Variants in FBLN1 observed in about 807,000 individuals in gnomAD.
FBLN1 encodes the protein fibulin 1.
A neutral mutation model predicts 89.7 loss-of-function variants in FBLN1; 34 were observed. That is an observed-to-expected ratio of 0.38 (90% confidence interval 0.29 to 0.50). The LOEUF (loss-of-function observed/expected upper bound fraction) is 0.50. Among genes scored for constraint, FBLN1 ranks in the 20% least tolerant of loss-of-function variants. The probability of loss-of-function intolerance (pLI) is 0.92; values close to 1 mark genes in which losing one functional copy is unlikely to be tolerated. For synonymous variants in FBLN1, 393 were observed against 391.3 expected (o/e 1.00, Z -0.05); for missense variants, 777 against 988.1 (o/e 0.79, Z 2.86).
Position 45,600,867 on chromosome 22 carries a change from G to A in FBLN1, c.*421G>A, listed in dbSNP as rs1301431185. Reference sequence around the variant, plus strand: ...TTTTTTGGCCAATCAGATTTTCTATGTTCTAAGGACATGGCTGCTGTAGAA... The same window carrying A: ...TTTTTTGGCCAATCAGATTTTCTATATTCTAAGGACATGGCTGCTGTAGAA... On this transcript the variant is annotated 3_prime_UTR_variant, in exon 17 of 17. Transcript: ENST00000327858. 1 of 298,176 alleles carries A rather than the reference G, an allele frequency of 3.4e-6. No individual in the cohort carries two copies. The highest frequency in any genetic ancestry group is 6.4e-6 in the Non-Finnish European group (1 of 156,362). The allele number at this position is 298,176 out of a possible 1,614,324, so 18.5% of individuals were successfully genotyped here.
Position 45,575,842 on chromosome 22 carries a change from C to T in FBLN1, c.1841-1135C>T, listed in dbSNP as rs77104934. On this transcript the variant is annotated intron_variant, in intron 15 of 16. Transcript: ENST00000327858. The surrounding 1 kb of genome is among the most constrained non-coding windows in gnomAD (Gnocchi z 6.3). Reference sequence around the variant, plus strand: ...TGTGCCCGGTCCCCAACCACCCCCGCCCTCTAGGGAGTCCCTATCCCTGGC... The same window carrying T: ...TGTGCCCGGTCCCCAACCACCCCCGTCCTCTAGGGAGTCCCTATCCCTGGC... Among the ~76,000 whole-genome samples, 2,887 of 152,280 alleles carry T rather than the reference C, an allele frequency of 0.019. 36 individuals carry two copies. The highest frequency in any genetic ancestry group is 0.028 in the Non-Finnish European group (1,888 of 67,996).
At chr22:45,520,116 G>C (rs1330068515) in intron 2 of FBLN1, among the ~76,000 whole-genome samples, 1 of 152,220 alleles carries the variant, frequency 6.6e-6, no homozygotes, top group Non-Finnish European at 1.5e-5. Flanking sequence ...GTTGCAGTGA[G>C]CTGAGACCGT....
chr22:45,564,764 A>G (rs2088887086), intron 14 of FBLN1: 1 of 1,209,770 alleles, frequency 8.3e-7, no homozygotes, highest in Non-Finnish European at 1.2e-6. Flanking sequence ...TCCTTGCAAG[A>G]CATCTCGCGT....
rs571562360 is a variant in FBLN1 at position 45,518,936 on chromosome 22, C to T, written c.185+149C>T. Reference sequence around the variant, plus strand: ...AGGCTGCGGGTGCTGCAGTGGGTGACTCCTGCCTCCCTCCTGGCACCGGCC... The same window carrying T: ...AGGCTGCGGGTGCTGCAGTGGGTGATTCCTGCCTCCCTCCTGGCACCGGCC... On this transcript the variant is annotated intron_variant, in intron 2 of 16. Coordinates refer to ENST00000327858, the MANE Select transcript of FBLN1 (RefSeq NM_006486.3). The T allele has an allele frequency of 6.6e-6, 5 of 755,138 alleles. No individual in the cohort carries two copies. The East Asian group carries it at 8.1e-5, about 12-fold the overall frequency. 46.8% of individuals were successfully genotyped at this position (755,138 alleles called of 1,614,324 possible).
At chr22:45,594,391 C>T (rs907331476) in intron 16 of FBLN1, among the ~76,000 whole-genome samples, 1 of 152,176 alleles carries the variant, frequency 6.6e-6, no homozygotes, top group Non-Finnish European at 1.5e-5. Context: ...CTGCCTCTCC[C>T]CAAGATTGAC....
Position 45,518,716 on chromosome 22 carries a change from G to A in FBLN1, c.114G>A (p.Ala38=), listed in dbSNP as rs201250432. ...ATGTCCTCCTGGAGGCCTGCTGTGCGGACGGACACCGGATGGCCACTCATC... is the reference window on the plus strand; with the variant it reads ...ATGTCCTCCTGGAGGCCTGCTGTGCAGACGGACACCGGATGGCCACTCATC... ...DADVLLEACC[A]DGHRMATHQK... Residue 38 remains alanine (A), a synonymous_variant, in exon 2 of 17, where the codon GCG becomes GCA. Coordinates refer to ENST00000327858, the MANE Select transcript of FBLN1 (RefSeq NM_006486.3). 23 of 1,611,498 alleles carry A rather than the reference G, an allele frequency of 1.4e-5. No individual in the cohort carries two copies. The Middle Eastern group carries it at 5.0e-4, about 35-fold the overall frequency.
rs1304848343 is a variant in FBLN1, at chr22:45,576,425, T to TG, written c.1841-552_1841-551insG. On this transcript the variant is annotated intron_variant, in intron 15 of 16. Transcript: ENST00000327858. This position sits in a 1 kb window ranked among gnomAD's most constrained non-coding sequence, Gnocchi z 5.2. ...GTCTCCGCCGGCTTCCTTCCTCACC[T>TG]TACAGGTGAGGAAACTGAGGCCCAC... Among the ~76,000 whole-genome samples the TG allele has an allele frequency of 1.1e-4, 17 of 152,018 alleles. No homozygotes were observed. Among genetic ancestry groups the TG allele is most frequent in the African/African-American group, 3.4e-4 (14 of 41,468 alleles).
At position 45,541,504 on chromosome 22, in the gene FBLN1, G is replaced by A. The variant is rs470068; in HGVS notation, c.1066+132G>A. 0.38 allele frequency: 445,895 copies of A among 1,162,820 alleles called. 89,734 individuals are homozygous for A. Among genetic ancestry groups the A allele is most frequent in the Middle Eastern group, 0.46 (1,676 of 3,676 alleles). The allele number at this position is 1,162,820 out of a possible 1,614,324, so 72.0% of individuals were successfully genotyped here. A position where few individuals can be genotyped will look rare whatever the true frequency, so the allele number is the denominator to read the frequency against. On this transcript the variant is annotated intron_variant, in intron 9 of 16. Transcript: ENST00000327858. The stretch of plus-strand genomic sequence containing the variant: ...TATCAGCCCATCCATCCCACTGTCA[G>A]TTCCCAAGCATGGGGCTTCATTGTC...
Position 45,576,002 on chromosome 22 carries a change from G to A in FBLN1, c.1841-975G>A, listed in dbSNP as rs532199792. Among the ~76,000 whole-genome samples the A allele has an allele frequency of 2.6e-5, 4 of 152,030 alleles. No individual in the cohort carries two copies. The highest frequency in any genetic ancestry group is 2.1e-4 in the South Asian group (1 of 4,810). On this transcript the variant is annotated intron_variant, in intron 15 of 16. Transcript: ENST00000327858. The surrounding 1 kb of genome is among the most constrained non-coding windows in gnomAD (Gnocchi z 5.2). ...GGAGGCATGCAACGGAGCCAGCCGCGAGGACACCAGTGTTTACACCATGAC... is the reference window on the plus strand; with the variant it reads ...GGAGGCATGCAACGGAGCCAGCCGCAAGGACACCAGTGTTTACACCATGAC...
Position 45,577,931 on chromosome 22 carries a change from A to G in FBLN1, c.1972+823A>G, listed in dbSNP as rs866386262. ...CCCCTCTCCTGAACTGTCACATTTT[A>G]AAAGATTTACAGTCATGGGAAATGA... On this transcript the variant is annotated intron_variant, in intron 16 of 16. Transcript: ENST00000327858. This position sits in a 1 kb window ranked among gnomAD's most constrained non-coding sequence, Gnocchi z 6.6. 2.6e-5 allele frequency: 4 copies of G among 152,706 alleles called. No individual in the cohort carries two copies. The highest frequency in any genetic ancestry group is 1.9e-4 in the East Asian group (1 of 5,190). The allele number at this position is 152,706 out of a possible 1,614,324, so 9.5% of individuals were successfully genotyped here.
chr22:45,594,437 T>G (rs954050754), intron 16 of FBLN1, among the ~76,000 whole-genome samples: 1 of 152,228 alleles, frequency 6.6e-6, no homozygotes, highest in Non-Finnish European at 1.5e-5. Context: ...TTCATATTTT[T>G]GGGCTTTGCA....
At chr22:45,543,128 G>A (rs574803041) in intron 10 of FBLN1, among the ~76,000 whole-genome samples, 7 of 152,346 alleles carry the variant, frequency 4.6e-5, no homozygotes, top group African/African-American at 1.2e-4. Context: ...TTAGCCGGGC[G>A]TGGTGGCACA....
Position 45,545,648 on chromosome 22 carries a change from T to C in FBLN1, c.1322-1437T>C, listed in dbSNP as rs1602195608. Among the ~76,000 whole-genome samples, 1 of 152,112 alleles carries C rather than the reference T, an allele frequency of 6.6e-6. No homozygotes were observed. On this transcript the variant is annotated intron_variant, in intron 11 of 16. Transcript: ENST00000327858. The surrounding 1 kb of genome is among the most constrained non-coding windows in gnomAD (Gnocchi z 5.9). ...ACTCGGTCCTGCACTGGGGAGTGTC[T>C]CTAGCGGGGGATGAGAGACCACACT...
chr22:45,591,227 A>G (rs915413015), intron 16 of FBLN1, among the ~76,000 whole-genome samples: 6 of 152,174 alleles, frequency 3.9e-5, no homozygotes, highest in Admixed American at 2.6e-4. Context: ...GTAACCACAC[A>G]GAGCCAAATT....
chr22:45,515,282 G>C (rs1006349862), intron 1 of FBLN1, among the ~76,000 whole-genome samples: 5 of 152,152 alleles, frequency 3.3e-5, no homozygotes, highest in Non-Finnish European at 7.3e-5. Flanking sequence ...TGGACTCCCT[G>C]ATGGGGCTGT....
chr22:45,516,115 C>T (rs755348581), intron 1 of FBLN1, among the ~76,000 whole-genome samples: 2 of 152,078 alleles, frequency 1.3e-5, no homozygotes, highest in Non-Finnish European at 2.9e-5. Context: ...GCAGGGTGGG[C>T]AGGCAGGCGG....
chr22:45,525,220 AAAAAG>A (rs1049200695), intron 2 of FBLN1, among the ~76,000 whole-genome samples: 8 of 152,146 alleles, frequency 5.3e-5, no homozygotes, highest in South Asian at 2.1e-4. Context: ...AGAAAGAGAG[AAAAAG>A]AAAAGAAAAG....
At position 45,519,056 on chromosome 22, in the gene FBLN1, T is replaced by TGCAGCTGCTCTGCCACAGCTGG. The variant is rs138717178; in HGVS notation, c.185+276_185+277insCTCTGCCACAGCTGGGCAGCTG. 0.19 allele frequency among the ~76,000 whole-genome samples: 28,769 copies of TGCAGCTGCTCTGCCACAGCTGG among 151,640 alleles called. 3,328 individuals carry two copies. Among genetic ancestry groups the TGCAGCTGCTCTGCCACAGCTGG allele is most frequent in the East Asian group, 0.52 (2,642 of 5,070 alleles). On this transcript the variant is annotated intron_variant, in intron 2 of 16. Coordinates refer to ENST00000327858, the MANE Select transcript of FBLN1 (RefSeq NM_006486.3). ...GGCTGGGAGCAAGAAGATCTGGGCT[T>TGCAGCTGCTCTGCCACAGCTGG]GCAGCTGTGGGCAAGTCAGTTTTCT...
chr22:45,553,032 G>A (rs2088725738), intron 14 of FBLN1, among the ~76,000 whole-genome samples: 1 of 152,240 alleles, frequency 6.6e-6, no homozygotes, highest in Admixed American at 6.5e-5. Context: ...GCCTGAGGGT[G>A]TAACACGGTG....
Sources: gnomAD v4.1 joint callset for allele counts (sites outside exome capture counted in the v4.1 genomes callset) on GRCh38, gnomAD v4.1.1 for gene constraint, Gnocchi (gnomAD v3.1) non-coding constraint, MANE v1.5 for transcripts, NCBI Gene and HGNC (gene_info 2026-07-23, HGNC 2026-07-21) for gene names.